TMEM132D: variants seen among roughly 807,000 people sequenced by gnomAD.
The protein encoded by TMEM132D is mature OL transmembrane protein.
Under a neutral mutation model 62.3 loss-of-function variants are expected in TMEM132D, and 21 were observed. The observed-to-expected ratio is 0.34, with a 90% CI of 0.24 to 0.49. The LOEUF is 0.49. Among genes scored for constraint, TMEM132D ranks in the 20% least tolerant of loss-of-function variants. The pLI is 0.99. For synonymous variants in TMEM132D, 621 were observed against 575.6 expected, an observed-to-expected ratio of 1.08 and a Z score of -1.13; for missense variants, 1,346 against 1,402.8, an observed-to-expected ratio of 0.96 and a Z score of 0.65.
intron 5 of TMEM132D, among the ~76,000 whole-genome samples, chr12:129,155,171 A>G (rs1877199644): frequency 6.6e-6 from 1 of 152,246 alleles, no homozygotes; most frequent in Non-Finnish European, 1.5e-5. Flanking sequence ...ATAGAATGCC[A>G]TCTGATAAAG....
chr12:129,218,269 A>G (rs1269497758), intron 4 of TMEM132D, among the ~76,000 whole-genome samples: 1 of 152,232 alleles, frequency 6.6e-6, no homozygotes, highest in Non-Finnish European at 1.5e-5. Flanking sequence ...TTTTGGTTAC[A>G]GTGAACAGTT....
chr12:129,253,575 C>G (rs937530116), intron 4 of TMEM132D, among the ~76,000 whole-genome samples: 1 of 152,260 alleles, frequency 6.6e-6, no homozygotes, highest in South Asian at 2.1e-4. Context: ...GGCTTTATAC[C>G]TACTATTTCT....
chr12:129,380,855 C>T (rs773042436), intron 3 of TMEM132D, among the ~76,000 whole-genome samples: 47 of 152,166 alleles, frequency 3.1e-4, no homozygotes, highest in Admixed American at 9.2e-4. Flanking sequence ...TTTTTTCACT[C>T]AGCATAACTT....
intron 2 of TMEM132D, among the ~76,000 whole-genome samples, chr12:129,567,733 T>C (rs61314025): frequency 0.14 from 21,228 of 152,174 alleles, 1,659 homozygotes; most frequent in Admixed American, 0.24. Context: ...GCTTTACAAT[T>C]GCTTTTTAAA....
intron 2 of TMEM132D, among the ~76,000 whole-genome samples, chr12:129,585,660 T>A (rs1273368063): frequency 6.6e-6 from 1 of 152,204 alleles, no homozygotes; most frequent in East Asian, 1.9e-4. Flanking sequence ...TTATCACATG[T>A]TAAATGTTCC....
chr12:129,577,695 T>G (rs962129875), intron 2 of TMEM132D, among the ~76,000 whole-genome samples: 1 of 149,690 alleles, frequency 6.7e-6, no homozygotes, highest in Non-Finnish European at 1.5e-5. Flanking sequence ...TGCGCAACTT[T>G]TTTCAATTTG....
chr12:129,628,738 C>T (rs1302510398), intron 2 of TMEM132D, among the ~76,000 whole-genome samples: 1 of 152,100 alleles, frequency 6.6e-6, no homozygotes, highest in Non-Finnish European at 1.5e-5. Context: ...AGTGTGATGG[C>T]CATGTCTGTC....
intron 5 of TMEM132D, chr12:129,208,905 G>C (rs1016740075): frequency 6.6e-6 from 1 of 152,206 alleles, no homozygotes; most frequent in Non-Finnish European, 1.5e-5. Context: ...AATCATTTTT[G>C]ATTTCAATTT....
At chr12:129,475,887 G>A (rs768750657) in intron 3 of TMEM132D, among the ~76,000 whole-genome samples, 2 of 152,166 alleles carry the variant, frequency 1.3e-5, no homozygotes, top group Non-Finnish European at 1.5e-5. Context: ...ATCTGACCTC[G>A]ATTTAACCGG....
chr12:129,079,312 G>A (rs979292678), intron 7 of TMEM132D, among the ~76,000 whole-genome samples: 3 of 152,152 alleles, frequency 2.0e-5, no homozygotes, highest in Non-Finnish European at 4.4e-5. Flanking sequence ...GCCTGTTGAT[G>A]AGGAATATCG....
At chr12:129,875,160 G>C (rs1040002395) in intron 1 of TMEM132D, among the ~76,000 whole-genome samples, 1 of 152,226 alleles carries the variant, frequency 6.6e-6, no homozygotes, top group Non-Finnish European at 1.5e-5. Context: ...GACAGAGACC[G>C]CATGGCCTGC....
intron 1 of TMEM132D, among the ~76,000 whole-genome samples, chr12:129,841,814 A>G (rs1048459929): frequency 7.9e-5 from 12 of 152,206 alleles, no homozygotes; most frequent in Non-Finnish European, 1.5e-4. Flanking sequence ...AATGGGTTCT[A>G]GTCCTTTTAA....
chr12:129,860,843 C>T (rs1382466570), intron 1 of TMEM132D, among the ~76,000 whole-genome samples: 6 of 152,058 alleles, frequency 3.9e-5, no homozygotes, highest in Non-Finnish European at 7.4e-5. Context: ...GAGGGAAGCC[C>T]CTTATAAAAT....
At chr12:129,337,449 A>G (rs1593342217) in intron 4 of TMEM132D, among the ~76,000 whole-genome samples, 185 bp downstream of exon 4, 1 of 143,314 alleles carries the variant, frequency 7.0e-6, no homozygotes, top group South Asian at 2.1e-4. Context: ...ACGCACACAC[A>G]CACACACACA....
chr12:129,639,366 G>C (rs972311466), intron 2 of TMEM132D, among the ~76,000 whole-genome samples: 1 of 120,140 alleles, frequency 8.3e-6, no homozygotes, highest in African/African-American at 3.2e-5. Flanking sequence ...CTGGGTGACA[G>C]AGCGAGACTC....
chr12:129,163,600 A>G lies in TMEM132D; in HGVS notation c.1443+45920T>C, dbSNP rs377121483. Among the ~76,000 whole-genome samples, 21 of 152,274 alleles carry G rather than the reference A, an allele frequency of 1.4e-4. No homozygotes were observed. In the East Asian group the frequency reaches 1.7e-3, roughly 13 times the overall value. ...CAGTGGTGGGTGCCTCTAATTCTTC[A>G]TGGACAAAGCTTCCCCTCCCTGGGA... On this transcript the variant is annotated intron_variant, in intron 5 of 8. Transcript: ENST00000422113.
At chr12:129,179,296 G>T (rs1877997347) in intron 5 of TMEM132D, among the ~76,000 whole-genome samples, 1 of 152,200 alleles carries the variant, frequency 6.6e-6, no homozygotes, top group Non-Finnish European at 1.5e-5. Flanking sequence ...ATGTGGGGAA[G>T]GGTGGTCCCT....
chr12:129,294,853 T>A (rs183822787), intron 4 of TMEM132D, among the ~76,000 whole-genome samples: 3 of 152,346 alleles, frequency 2.0e-5, no homozygotes, highest in African/African-American at 7.2e-5. Context: ...ATATCTCCTA[T>A]GACTGTGTAC....
At chr12:129,854,311 C>G (rs1025777199) in intron 1 of TMEM132D, among the ~76,000 whole-genome samples, 3 of 152,156 alleles carry the variant, frequency 2.0e-5, no homozygotes, top group Admixed American at 2.0e-4. Flanking sequence ...CAGGCTTGAC[C>G]ATCACCTCAT....
Sources: allele counts gnomAD v4.1 joint callset (sites outside exome capture counted in the v4.1 genomes callset), GRCh38; gene constraint gnomAD v4.1.1; transcripts MANE v1.5; gene names NCBI Gene and HGNC (gene_info 2026-07-23, HGNC 2026-07-21).